The following RRAGC variants were observed in gnomAD, a reference collection of about 807,000 sequenced individuals.
RRAGC encodes Ras related GTP binding C.
In RRAGC, 8 loss-of-function variants were observed where a neutral mutation model predicts 37.1. The ratio of observed to expected loss-of-function variants is 0.22; its 90% CI spans 0.13 to 0.39. The LOEUF is 0.39. RRAGC is among the 10% of genes least tolerant of loss of function. RRAGC has a pLI of 1.00. For synonymous variants in RRAGC, 190 were observed against 181.1 expected, an observed-to-expected ratio of 1.05 and a Z score of -0.39; for missense variants, 342 against 497.6, an observed-to-expected ratio of 0.69 and a Z score of 2.98.
rs749233119 is a variant in RRAGC at position 38,859,525 on chromosome 1, C to CCCGCCG, written c.116_121dup (p.Ala39_Ala40dup). 25 of 1,542,638 alleles carry CCCGCCG rather than the reference C, an allele frequency of 1.6e-5. No individual in the cohort carries two copies. The highest frequency in any genetic ancestry group is 2.0e-5 in the Admixed American group (1 of 50,882). ...GCCTGCCCCTGCCCCAACCCCTCCG[C>CCCGCCG]CCGCCGCCGCCGCCTCCTCTTCCTC... On this transcript the variant is annotated inframe_insertion, in exon 1 of 7. Transcript: ENST00000373001.
At chr1:38,845,478 G>T (rs999886140) in intron 6 of RRAGC, among the ~76,000 whole-genome samples, 2 of 152,136 alleles carry the variant, frequency 1.3e-5, no homozygotes, top group African/African-American at 4.8e-5. Flanking sequence ...GCCTGTCAGG[G>T]GTGGGTGGCT....
intron 4 of RRAGC, 108 bp from the exon 5 acceptor site, chr1:38,851,865 A>G: frequency 1.1e-6 from 1 of 949,890 alleles, no homozygotes; most frequent in Non-Finnish European, 1.6e-6. Flanking sequence ...TTTTAATTAT[A>G]TAACCCAATA....
intron 1 of RRAGC, 43 bp from the exon 2 acceptor site, chr1:38,857,125 G>A (rs779180070): frequency 7.0e-7 from 1 of 1,437,540 alleles, no homozygotes; most frequent in Admixed American, 2.0e-5. Flanking sequence ...TTAAACTTCA[G>A]AATTTAAATT....
chr1:38,841,430 A>C (rs1259953139), intron 6 of RRAGC, among the ~76,000 whole-genome samples: 1 of 151,810 alleles, frequency 6.6e-6, no homozygotes, highest in Non-Finnish European at 1.5e-5. Flanking sequence ...GCAGTGGTAC[A>C]ATCATAGCTC....
chr1:38,852,809 A>G (rs768522602), intron 3 of RRAGC: 48 of 161,180 alleles, frequency 3.0e-4, no homozygotes, highest in Non-Finnish European at 5.7e-4. Flanking sequence ...GAGACCAAAA[A>G]TAAGACTAAA....
In RRAGC at chr1:38,855,833, A is replaced by G; in HGVS notation, c.516T>C (p.Asn172=). 1 of 1,614,040 alleles carries G rather than the reference A, an allele frequency of 6.2e-7. No homozygotes were observed. The highest frequency in any genetic ancestry group is 1.7e-5 in the Admixed American group (1 of 60,022). Residue 172 remains asparagine (N), a synonymous_variant, in exon 3 of 7, where the codon AAT becomes AAC. Coordinates refer to ENST00000373001, the MANE Select transcript of RRAGC (RefSeq NM_022157.4). ...SKAYKVNPDM[N]FEVFIHKVDG... is the part of the protein sequence containing the mutation. ...CAACTTTGTGAATAAAAACCTCAAA[A>G]TTCATGTCTGGGTTAACTTTGTAGG...
intron 3 of RRAGC, among the ~76,000 whole-genome samples, chr1:38,854,835 CA>C (rs1642147474): frequency 1.3e-5 from 2 of 152,182 alleles, no homozygotes; most frequent in Non-Finnish European, 2.9e-5. Context: ...GAAGTCACAA[CA>C]ATAGAACGGG....
At chr1:38,850,845 T>A (rs201387068) in intron 5 of RRAGC, among the ~76,000 whole-genome samples, 30,702 of 146,248 alleles carry the variant, frequency 0.21, 3,486 homozygotes, top group African/African-American at 0.34. Flanking sequence ...TTTTTTGTTG[T>A]TTTTTTTTGG....
rs943440371 is a variant in RRAGC at position 38,838,470 on chromosome 1, G to A, written c.*1083C>T. On this transcript the variant is annotated 3_prime_UTR_variant, in exon 7 of 7. Transcript: ENST00000373001. ...ATGTGGAATAGAAATAATGTGTTAG[G>A]TTTAAATCAATGGAAAGGGTATCAA... The A allele has an allele frequency of 6.6e-6, 1 of 152,178 alleles. No homozygotes were observed. The highest frequency in any genetic ancestry group is 1.5e-5 in the Non-Finnish European group (1 of 68,036). 9.4% of individuals were successfully genotyped at this position (152,178 alleles called of 1,614,324 possible). A position where few individuals can be genotyped will look rare whatever the true frequency, so the allele number is the denominator to read the frequency against.
At chr1:38,851,414 T>C in intron 5 of RRAGC, 1 of 388,326 alleles carries the variant, frequency 2.6e-6, no homozygotes, top group Non-Finnish European at 4.6e-6. Context: ...TTTCCAACTT[T>C]TCTTAGCCAT....
chr1:38,840,771 AAATACT>A (rs1238511511), intron 6 of RRAGC, among the ~76,000 whole-genome samples: 2 of 152,244 alleles, frequency 1.3e-5, no homozygotes, highest in Non-Finnish European at 2.9e-5. Flanking sequence ...TCTTGGTAGG[AAATACT>A]AAGAATCAGG....
chr1:38,859,181 C>T (rs953333284), intron 1 of RRAGC, among the ~76,000 whole-genome samples: 1 of 152,260 alleles, frequency 6.6e-6, no homozygotes, highest in Non-Finnish European at 1.5e-5. Context: ...ACCTGCCTCC[C>T]GGCAACCAGT....
At chr1:38,841,043 T>C (rs1330838450) in intron 6 of RRAGC, among the ~76,000 whole-genome samples, 2 of 152,210 alleles carry the variant, frequency 1.3e-5, no homozygotes, top group Non-Finnish European at 2.9e-5. Context: ...AGAGACAAAA[T>C]GATTTCATGT....
At chr1:38,846,937 C>T (rs1306277226) in intron 5 of RRAGC, 1 of 151,876 alleles carries the variant, frequency 6.6e-6, no homozygotes, top group Non-Finnish European at 1.5e-5. Context: ...AGCCCCATCT[C>T]TACTAAAAAA....
At chr1:38,841,107 T>G (rs1319576572) in intron 6 of RRAGC, among the ~76,000 whole-genome samples, 1 of 152,162 alleles carries the variant, frequency 6.6e-6, no homozygotes, top group Non-Finnish European at 1.5e-5. Flanking sequence ...ATATGAAACA[T>G]AATTGGCTAT....
At chr1:38,857,956 A>C (rs575960173) in intron 1 of RRAGC, among the ~76,000 whole-genome samples, 43 of 152,208 alleles carry the variant, frequency 2.8e-4, no homozygotes, top group African/African-American at 1.0e-3. Context: ...AAGACTCCAT[A>C]ACAAACAAAC....
chr1:38,846,087 C>T lies in RRAGC; in HGVS notation c.900G>A (p.Gly300=), dbSNP rs1164971559. 27 of 1,606,128 alleles carry T rather than the reference C, an allele frequency of 1.7e-5. No homozygotes were observed. Among genetic ancestry groups the T allele is most frequent in the African/African-American group, 4.0e-5 (3 of 74,520 alleles). The change falls in exon 6 of 7, where the codon GGG becomes GGA. Residue 300 remains glycine, a splice_region_variant and synonymous_variant. Transcript: ENST00000373001. ...DVVIDVSCIY[G]LKEDGSGSAY... ...CACTTCCACTTCCATCTTCCTTTAA[C>T]CTATTTTAAAAGAAAGTACTATTCA...
In RRAGC at chr1:38,857,006, G is replaced by A. The variant is rs1341018984; in HGVS notation, c.314C>T (p.Ser105Phe). Reference protein sequence around the residue: ...STNKIYKDDISNSSFVNFQIW... With the variant: ...STNKIYKDDIFNSSFVNFQIW... ...CTGGAAATTCACAAAGGAGCTATTG[G>A]AAATGTCATCCTTATAAATCTTGTT... The change falls in exon 2 of 7, where the codon TCC (serine) becomes TTC (phenylalanine). Residue 105 changes from serine to phenylalanine, a missense_variant. This residue lies in a region of RRAGC where 134 missense variants were observed against 277.2 expected (regional missense o/e 0.48). Transcript: ENST00000373001. 1.2e-6 allele frequency: 2 copies of A among 1,613,952 alleles called. No individual in the cohort carries two copies. The highest frequency in any genetic ancestry group is 3.3e-5 in the Admixed American group (2 of 60,002).
At chr1:38,848,017 AAC>A (rs981914137) in intron 5 of RRAGC, 4 of 147,538 alleles carry the variant, frequency 2.7e-5, no homozygotes, top group African/African-American at 1.0e-4. Flanking sequence ...CAGCTTGGGC[AAC>A]AGAGACCCTA....
Sources: gnomAD v4.1 joint callset for allele counts (sites outside exome capture counted in the v4.1 genomes callset) on GRCh38, gnomAD v4.1.1 for gene constraint, gnomAD v4.1.1 regional missense constraint, MANE v1.5 for transcripts, NCBI Gene and HGNC (gene_info 2026-07-23, HGNC 2026-07-21) for gene names.